The following DACH2 variants were observed in gnomAD, a reference collection of about 807,000 sequenced individuals.
DACH2 encodes the protein dachshund family transcription factor 2, also known as dachshund homolog 2.
Under a neutral mutation model 35.8 loss-of-function variants are expected in DACH2, and 17 were observed. That is an observed-to-expected ratio of 0.48 (90% CI 0.33 to 0.71). The LOEUF is 0.71. Ranked by LOEUF, DACH2 falls within the 30% of genes least tolerant of loss-of-function variation. The probability of loss-of-function intolerance (pLI) is 0.02; values close to 1 mark genes in which losing one functional copy is unlikely to be tolerated. For missense variants in DACH2, 469 were observed against 472.7 expected, an observed-to-expected ratio of 0.99 and a Z score of 0.07; for synonymous variants, 195 against 177.3, an observed-to-expected ratio of 1.10 and a Z score of -0.79.
chrX:86,492,751 G>A (rs772049395), intron 2 of DACH2, among the ~76,000 whole-genome samples: 2 of 111,355 alleles, frequency 1.8e-5, no homozygotes, highest in East Asian at 2.8e-4. Flanking sequence ...AATGGCCTCC[G>A]GCTGCATCCA....
At chrX:86,567,398 C>T (rs1163031877) in intron 3 of DACH2, among the ~76,000 whole-genome samples, 2 of 110,745 alleles carry the variant, frequency 1.8e-5, no homozygotes, top group African/African-American at 6.6e-5. Flanking sequence ...TATGTTGGAG[C>T]AGAGTGGTAG....
intron 3 of DACH2, among the ~76,000 whole-genome samples, chrX:86,630,828 T>A (rs1032256609): frequency 9.0e-6 from 1 of 110,971 alleles, no homozygotes; most frequent in Non-Finnish European, 1.9e-5. Flanking sequence ...GTAGCTTGGA[T>A]TACAGACACC....
intron 4 of DACH2, among the ~76,000 whole-genome samples, chrX:86,680,911 C>A (rs141268312): frequency 1.7e-3 from 186 of 110,848 alleles, no homozygotes; most frequent in Admixed American, 2.6e-3. Flanking sequence ...GCCTCAGCCT[C>A]CCACATTGCT....
intron 7 of DACH2, among the ~76,000 whole-genome samples, chrX:86,741,052 T>C (rs756282161): frequency 8.9e-6 from 1 of 111,800 alleles, no homozygotes; most frequent in African/African-American, 3.2e-5. Context: ...CCCATTTCCT[T>C]TCAGGAAAAT....
chrX:86,759,153 A>G (rs2041855824), intron 7 of DACH2, among the ~76,000 whole-genome samples: 1 of 107,985 alleles, frequency 9.3e-6, no homozygotes, highest in Non-Finnish European at 1.9e-5. Flanking sequence ...TGCGGTTTAA[A>G]TCCAATATTT....
chrX:86,236,286 T>A lies in DACH2; in HGVS notation c.488+87178T>A, dbSNP rs2033055685. On this transcript the variant is annotated intron_variant, in intron 1 of 11. Transcript: ENST00000373125. ...AAGAACTATGTCTTATTTGTGTTTG[T>A]ATCCTCAAACAGCAACGTCTTGTAC... 2.7e-5 allele frequency among the ~76,000 whole-genome samples: 3 copies of A among 112,586 alleles called. No individual in the cohort carries two copies. The South Asian group carries it at 1.1e-3, about 41-fold the overall frequency.
intron 2 of DACH2, among the ~76,000 whole-genome samples, chrX:86,404,238 G>A (rs1450829602): frequency 3.6e-5 from 4 of 111,023 alleles, no homozygotes; most frequent in Non-Finnish European, 7.5e-5. Context: ...GTCCCCCAGA[G>A]TCTTAACTCA....
At chrX:86,188,208 G>A (rs1195484664) in intron 1 of DACH2, among the ~76,000 whole-genome samples, 1 of 111,899 alleles carries the variant, frequency 8.9e-6, no homozygotes, top group Non-Finnish European at 1.9e-5. Context: ...GAGTCTCTAA[G>A]ACCATTTTCT....
At chrX:86,273,120 T>C (rs1475630084) in intron 1 of DACH2, among the ~76,000 whole-genome samples, 1 of 112,243 alleles carries the variant, frequency 8.9e-6, no homozygotes, top group Non-Finnish European at 1.9e-5. Context: ...TTCATGTTTC[T>C]ATTTCCATTC....
At chrX:86,483,158 T>TAA (rs1278624900) in intron 2 of DACH2, among the ~76,000 whole-genome samples, 1 of 87,841 alleles carries the variant, frequency 1.1e-5, no homozygotes, top group Non-Finnish European at 2.3e-5. Flanking sequence ...AAAACAAGCA[T>TAA]AAAAAAAAAA....
intron 1 of DACH2, among the ~76,000 whole-genome samples, chrX:86,306,953 G>A (rs1252284489): frequency 3.6e-5 from 4 of 111,201 alleles, no homozygotes; most frequent in Non-Finnish European, 7.5e-5. Flanking sequence ...AAAATGCTAA[G>A]GACTCTACTT....
At chrX:86,721,925 T>C (rs1162581475) in intron 6 of DACH2, among the ~76,000 whole-genome samples, 1 of 111,034 alleles carries the variant, frequency 9.0e-6, no homozygotes, top group African/African-American at 3.3e-5. Context: ...ACTCACTCAG[T>C]ATCATAAGAA....
At chrX:86,765,675 G>GT (rs1227936240) in intron 7 of DACH2, among the ~76,000 whole-genome samples, 3 of 71,422 alleles carry the variant, frequency 4.2e-5, no homozygotes, top group South Asian at 7.5e-4. Flanking sequence ...GATGCCTCTG[G>GT]TTTTTTTTGT....
In DACH2 at chrX:86,602,247, G is replaced by A. The variant is rs140558568; in HGVS notation, c.641-48789G>A. On this transcript the variant is annotated intron_variant, in intron 3 of 11. Transcript: ENST00000373125. The stretch of plus-strand genomic sequence containing the variant: ...TGGATATAGCACCATTTGTTTACTC[G>A]CCAATAAGAAGATATTTTTGTTGCT... 4.1e-3 allele frequency among the ~76,000 whole-genome samples: 461 copies of A among 111,476 alleles called. 11 individuals carry two copies. The East Asian group carries it at 0.078, about 19-fold the overall frequency.
At chrX:86,479,537 T>A (rs952296075) in intron 2 of DACH2, among the ~76,000 whole-genome samples, 2 of 112,242 alleles carry the variant, frequency 1.8e-5, no homozygotes, top group Non-Finnish European at 3.8e-5. Context: ...TGGGAAGTTG[T>A]CTTTATCCCT....
At chrX:86,725,043 C>T (rs5923616) in intron 6 of DACH2, among the ~76,000 whole-genome samples, 24,224 of 95,733 alleles carry the variant, frequency 0.25, 2,152 homozygotes, top group East Asian at 0.51. Flanking sequence ...AAAAAAAAAA[C>T]AATATCTGTC....
At chrX:86,787,435 C>A (rs2042147892) in intron 7 of DACH2, among the ~76,000 whole-genome samples, 1 of 110,109 alleles carries the variant, frequency 9.1e-6, no homozygotes, top group Non-Finnish European at 1.9e-5. Flanking sequence ...GCTAACATGG[C>A]AGAACCCTGT....
chrX:86,205,516 C>G (rs1325926508), intron 1 of DACH2, among the ~76,000 whole-genome samples: 2 of 79,994 alleles, frequency 2.5e-5, no homozygotes, highest in African/African-American at 5.3e-5. Flanking sequence ...TTCCTTCCTT[C>G]CTTCCTTCCT....
chrX:86,802,241 A>G (rs916685950), intron 7 of DACH2, among the ~76,000 whole-genome samples: 1 of 111,082 alleles, frequency 9.0e-6, no homozygotes, highest in Non-Finnish European at 1.9e-5. Context: ...GCCAGGCTCT[A>G]CTCTATACCT....
Sources: gnomAD v4.1 joint callset for allele counts (sites outside exome capture counted in the v4.1 genomes callset) on GRCh38, gnomAD v4.1.1 for gene constraint, MANE v1.5 for transcripts, NCBI Gene and HGNC (gene_info 2026-07-23, HGNC 2026-07-21) for gene names.